TMEM92: variants seen among roughly 807,000 people sequenced by gnomAD.
TMEM92 encodes the protein transmembrane protein 92.
In TMEM92, 15 loss-of-function variants were observed where a neutral mutation model predicts 14.6. That is an observed-to-expected ratio of 1.03 (90% CI 0.69 to 1.58). The LOEUF is 1.58. Among genes scored for constraint, TMEM92 ranks in the 40% most tolerant of loss-of-function variants. The pLI, the probability that TMEM92 is intolerant of heterozygous loss-of-function variation, is 0.00. For missense variants in TMEM92, 174 were observed against 202.4 expected, an observed-to-expected ratio of 0.86 and a Z score of 0.85; for synonymous variants, 85 against 83.3, an observed-to-expected ratio of 1.02 and a Z score of -0.11.
intron 3 of TMEM92, 22 bp downstream of exon 3, chr17:50,278,652 T>C (rs540839627): frequency 3.2e-5 from 51 of 1,611,252 alleles, no homozygotes; most frequent in Non-Finnish European, 4.0e-5. Context: ...GCCAGCTCCT[T>C]TGGGTGCAGT....
At position 50,278,608 on chromosome 17, in the gene TMEM92, G is replaced by A. The variant is rs1398904722; in HGVS notation, c.148G>A (p.Glu50Lys). Residue 50 changes from glutamate (E) to lysine (K), a missense_variant, in exon 3 of 5, where the codon GAG becomes AAG. Glu to Lys is a moderately conservative substitution (Grantham distance 56). Coordinates refer to ENST00000507382, the MANE Select transcript of TMEM92 (RefSeq NM_153229.3). ...CCGDSCCQEN[E>K]LFPGPVRIFV... is the part of the protein sequence containing the mutation. ...TGGTGACAGCTGCTGCCAGGAGAAC[G>A]AGCTCTTCCCTGGCCCCGTGAGGTG... 6 of 1,613,792 alleles carry A rather than the reference G, an allele frequency of 3.7e-6. No homozygotes were observed. The highest frequency in any genetic ancestry group is 1.3e-5 in the African/African-American group (1 of 74,916).
chr17:50,278,796 C>G lies in TMEM92; in HGVS notation c.171-5C>G. 6.2e-7 allele frequency: 1 copy of G among 1,606,444 alleles called. No individual in the cohort carries two copies. Among genetic ancestry groups the G allele is most frequent in the Non-Finnish European group, 8.5e-7 (1 of 1,176,428 alleles). ...TCAGGGTACTCTTGGTGGTCCCCACCCCAGGATCTTCGTCATCATCTTCCT... is the reference window on the plus strand; with the variant it reads ...TCAGGGTACTCTTGGTGGTCCCCACGCCAGGATCTTCGTCATCATCTTCCT... On this transcript the variant is annotated splice_region_variant and splice_polypyrimidine_tract_variant and intron_variant, in intron 3 of 4. Coordinates refer to ENST00000507382, the MANE Select transcript of TMEM92 (RefSeq NM_153229.3).
At chr17:50,271,867 T>C (rs967675936), upstream of TMEM92, among the ~76,000 whole-genome samples, 2 of 151,996 alleles carry the variant, frequency 1.3e-5, no homozygotes, top group African/African-American at 4.8e-5. Flanking sequence ...GGTAAAACCC[T>C]GTCTCTACTA....
chr17:50,278,218 C>G (rs1410245927), intron 2 of TMEM92, among the ~76,000 whole-genome samples: 1 of 152,212 alleles, frequency 6.6e-6, no homozygotes, highest in Non-Finnish European at 1.5e-5. Flanking sequence ...CACGTGGCCT[C>G]TTTCCCCGCA....
At chr17:50,274,964 T>C in intron 1 of TMEM92, 1 of 205,836 alleles carries the variant, frequency 4.9e-6, no homozygotes, top group South Asian at 8.6e-5. Flanking sequence ...TGGGGGACCC[T>C]GGGATGTCCC....
intron 2 of TMEM92, 82 bp downstream of exon 2, chr17:50,277,822 G>A: frequency 6.4e-7 from 1 of 1,569,550 alleles, no homozygotes; most frequent in Non-Finnish European, 8.8e-7. Context: ...TGGGGGGTGT[G>A]GGAGGCCAGA....
At chr17:50,273,107 C>T (rs1286909950), upstream of TMEM92, among the ~76,000 whole-genome samples, 2 of 152,264 alleles carry the variant, frequency 1.3e-5, no homozygotes, top group Admixed American at 6.5e-5. Context: ...GACAGATTGG[C>T]GACACAGCAG....
At position 50,278,974 on chromosome 17, in the gene TMEM92, C is replaced by T. The variant is rs976520728; in HGVS notation, c.344C>T (p.Ala115Val). The stretch of plus-strand genomic sequence containing the variant: ...GAGAGGGTCAGAGTATCCCTTTCTG[C>T]GCCCCCACCCCCCTACAGTGAGGTG... ...PPERVRVSLS[A>V]PPPPYSEVIL... is the part of the protein sequence containing the mutation. The change falls in exon 4 of 5, where the codon GCG becomes GTG. Residue 115 changes from alanine to valine, a missense_variant. Ala to Val is a moderately conservative substitution (Grantham distance 64, BLOSUM62 0). Transcript: ENST00000507382. The T allele has an allele frequency of 7.5e-6, 12 of 1,603,844 alleles. No individual in the cohort carries two copies. Among genetic ancestry groups the T allele is most frequent in the African/African-American group, 2.7e-5 (2 of 74,536 alleles).
At chr17:50,274,366 C>T, upstream of TMEM92, 2 of 846,448 alleles carry the variant, frequency 2.4e-6, no homozygotes, top group Non-Finnish European at 3.8e-6. Flanking sequence ...CTCCCAGCCC[C>T]TCCCTGCCCC....
At chr17:50,278,036 G>A (rs1303332016) in intron 2 of TMEM92, among the ~76,000 whole-genome samples, 2 of 152,194 alleles carry the variant, frequency 1.3e-5, no homozygotes, top group African/African-American at 4.8e-5. Flanking sequence ...GAGGCAGGGG[G>A]CTAACCCTAA....
rs184325017 is a variant in TMEM92 at position 50,279,693 on chromosome 17, A to T, written c.*385A>T. The T allele has an allele frequency of 6.4e-4, 176 of 276,690 alleles. 5 individuals are homozygous for T. The East Asian group carries it at 0.019, about 30-fold the overall frequency. The allele number at this position is 276,690 out of a possible 1,614,324, so 17.1% of individuals were successfully genotyped here. On this transcript the variant is annotated 3_prime_UTR_variant, in exon 5 of 5. Coordinates refer to ENST00000507382, the MANE Select transcript of TMEM92 (RefSeq NM_153229.3). Reference sequence around the variant, plus strand: ...ATCAGGGCACTTCTATACCTGTGGGACATTGGACTGGATGAGCCCTGAGCC... The same window carrying T: ...ATCAGGGCACTTCTATACCTGTGGGTCATTGGACTGGATGAGCCCTGAGCC...
In TMEM92 at chr17:50,279,840, TG is replaced by T. The variant is rs1482883817; in HGVS notation, c.*535del. On this transcript the variant is annotated 3_prime_UTR_variant, in exon 5 of 5. Coordinates refer to ENST00000507382, the MANE Select transcript of TMEM92 (RefSeq NM_153229.3). ...GCCTGCCTCTGGCTGTGTGGGGAGG[TG>T]GGTGGAGAGGTGAGCCCAGGCACTG... is the stretch of plus-strand genomic sequence containing the variant. 5.8e-6 allele frequency: 1 copy of T among 172,188 alleles called. No individual in the cohort carries two copies. The highest frequency in any genetic ancestry group is 1.2e-5 in the Non-Finnish European group (1 of 82,332). The allele number at this position is 172,188 out of a possible 1,614,324, so 10.7% of individuals were successfully genotyped here. A position where few individuals can be genotyped will look rare whatever the true frequency, so the allele number is the denominator to read the frequency against.
upstream of TMEM92, among the ~76,000 whole-genome samples, chr17:50,272,233 C>T (rs1008366337): frequency 6.6e-5 from 10 of 152,004 alleles, no homozygotes; most frequent in Non-Finnish European, 1.3e-4. Context: ...AGTTCCCTCA[C>T]CCCCACTCCT....
At position 50,279,760 on chromosome 17, in the gene TMEM92, C is replaced by T; in HGVS notation, c.*452C>T. On this transcript the variant is annotated 3_prime_UTR_variant, in exon 5 of 5. Coordinates refer to ENST00000507382, the MANE Select transcript of TMEM92 (RefSeq NM_153229.3). ...TGAATAGAGAACTCACTGCACCCAC[C>T]CACAACACATGATAAACACATGTCC... The T allele has an allele frequency of 9.0e-6, 2 of 222,472 alleles. No individual in the cohort carries two copies. The highest frequency in any genetic ancestry group is 1.1e-4 in the South Asian group (2 of 18,086). 13.8% of individuals were successfully genotyped at this position (222,472 alleles called of 1,614,324 possible). A position where few individuals can be genotyped will look rare whatever the true frequency, so the allele number is the denominator to read the frequency against.
At chr17:50,279,137 G>C (rs1910529440) in intron 4 of TMEM92, 58 bp from the exon 5 acceptor site, 9 of 1,550,506 alleles carry the variant, frequency 5.8e-6, no homozygotes, top group South Asian at 5.6e-5. Context: ...CAGCTGGGAT[G>C]GGGGAGTGGT....
rs934410797 is a variant in TMEM92 at position 50,277,843 on chromosome 17, G to A, written c.95+103G>A. On this transcript the variant is annotated intron_variant, in intron 2 of 4. Coordinates refer to ENST00000507382, the MANE Select transcript of TMEM92 (RefSeq NM_153229.3). ...GTGTGGGAGGCCAGAAACTCCATCC[G>A]TCCTCAGTCCCAATCCAGCCAGAAA... is the stretch of plus-strand genomic sequence containing the variant. 86 of 1,431,644 alleles carry A rather than the reference G, an allele frequency of 6.0e-5. No individual in the cohort carries two copies. In the Middle Eastern group the frequency reaches 1.1e-3, roughly 18 times the overall value. 88.7% of individuals were successfully genotyped at this position (1,431,644 alleles called of 1,614,324 possible).
chr17:50,277,761 T>A, intron 2 of TMEM92, 21 bp downstream of exon 2: 2 of 1,613,930 alleles, frequency 1.2e-6, no homozygotes. Context: ...AGGCCATAAC[T>A]TCCAATCTGG....
Position 50,277,565 on chromosome 17 carries a change from GGA to G in TMEM92, c.70-148_70-147del, listed in dbSNP as rs1030471429. On this transcript the variant is annotated intron_variant, in intron 1 of 4. Coordinates refer to ENST00000507382, the MANE Select transcript of TMEM92 (RefSeq NM_153229.3). The stretch of plus-strand genomic sequence containing the variant: ...CCAAGCACTGACCTGGGAACACGGT[GGA>G]GTGAGGTGGGGGGTGGCTTGCAGGA... 8 of 853,402 alleles carry G rather than the reference GGA, an allele frequency of 9.4e-6. No individual in the cohort carries two copies. The Admixed American group carries it at 1.3e-4, about 13-fold the overall frequency. 52.9% of individuals were successfully genotyped at this position (853,402 alleles called of 1,614,324 possible).
chr17:50,275,485 C>A (rs1173276953), intron 1 of TMEM92, among the ~76,000 whole-genome samples: 1 of 152,040 alleles, frequency 6.6e-6, no homozygotes, highest in Admixed American at 6.5e-5. Flanking sequence ...CTCCCACCAA[C>A]CCCAGGGGCG....
Sources: gnomAD v4.1 joint callset for allele counts (sites outside exome capture counted in the v4.1 genomes callset) on GRCh38, gnomAD v4.1.1 for gene constraint, MANE v1.5 for transcripts, NCBI Gene and HGNC (gene_info 2026-07-23, HGNC 2026-07-21) for gene names.